The following ABAT variants were observed in gnomAD, a reference collection of about 807,000 sequenced individuals.
ABAT encodes the protein 4-aminobutyrate aminotransferase.
ABAT carries 45 observed loss-of-function variants against 64.6 expected under a neutral mutation model. That is an observed-to-expected ratio of 0.70 (90% CI 0.55 to 0.89). ABAT has a LOEUF of 0.89. Ranked by LOEUF, ABAT falls within the 40% of genes least tolerant of loss-of-function variation. ABAT has a pLI of 0.00. For synonymous variants in ABAT, 297 were observed against 250.5 expected (o/e 1.19, Z -1.75); for missense variants, 633 against 658.4 (o/e 0.96, Z 0.42).
At chr16:8,699,958 C>T (rs935297110) in intron 1 of ABAT, among the ~76,000 whole-genome samples, 3 of 151,716 alleles carry the variant, frequency 2.0e-5, no homozygotes, top group Non-Finnish European at 4.4e-5. Flanking sequence ...TGACTATAGG[C>T]GTGTGCCACC....
intron 1 of ABAT, among the ~76,000 whole-genome samples, chr16:8,676,959 T>C (rs923979111): frequency 2.0e-5 from 3 of 152,182 alleles, no homozygotes; most frequent in African/African-American, 7.2e-5. Context: ...AAGTAGAGGC[T>C]CTCTCTGTTT....
intron 2 of ABAT, among the ~76,000 whole-genome samples, chr16:8,738,008 G>GAA (rs374080280): frequency 8.3e-6 from 1 of 120,142 alleles, no homozygotes; most frequent in Non-Finnish European, 1.7e-5. Flanking sequence ...AAGAAAGAAA[G>GAA]AAAGAAAGGA....
At position 8,733,561 on chromosome 16, in the gene ABAT, A is replaced by C. The variant is rs1253136802; in HGVS notation, c.-41-2138A>C. On this transcript the variant is annotated intron_variant, in intron 1 of 15. Transcript: ENST00000268251. ...GGCACCATTGAGCACTGAGTGAACG[A>C]GACTCCGTCTGTAATCCCGGCACCT... Among the ~76,000 whole-genome samples the C allele has an allele frequency of 1.3e-5, 2 of 151,880 alleles. 1 individual carries two copies. Among genetic ancestry groups the C allele is most frequent in the African/African-American group, 4.9e-5 (2 of 41,136 alleles).
Position 8,735,819 on chromosome 16 carries a change from G to T in ABAT, c.70+10G>T. 4 of 1,595,230 alleles carry T rather than the reference G, an allele frequency of 2.5e-6. No individual in the cohort carries two copies. Among genetic ancestry groups the T allele is most frequent in the East Asian group, 2.2e-5 (1 of 44,548 alleles). ...CGCCTGCTGGTGCCTGGTAAGCCCC[G>T]GGGGTCTTGATAAGAACTGGTACTA... On this transcript the variant is annotated intron_variant, in intron 2 of 15. Coordinates refer to ENST00000268251, the MANE Select transcript of ABAT (RefSeq NM_020686.6).
intron 1 of ABAT, among the ~76,000 whole-genome samples, chr16:8,675,029 C>T (rs2057163691): frequency 6.6e-6 from 1 of 152,204 alleles, no homozygotes; most frequent in Admixed American, 6.5e-5. Flanking sequence ...CCCCTCACCT[C>T]TTGGGAGACT....
chr16:8,772,817 A>AGAC lies in ABAT; in HGVS notation c.856_858dup (p.Thr286dup). The AGAC allele has an allele frequency of 6.2e-7, 1 of 1,614,144 alleles. No individual in the cohort carries two copies. The highest frequency in any genetic ancestry group is 2.2e-5 in the East Asian group (1 of 44,872). ...ATTGTGAAATATCGGAAAAAGAAGA[A>AGAC]GACGGTGGCCGGGATCATCGTGGAG... is the stretch of plus-strand genomic sequence containing the variant. On this transcript the variant is annotated inframe_insertion, in exon 12 of 16. Coordinates refer to ENST00000268251, the MANE Select transcript of ABAT (RefSeq NM_020686.6).
chr16:8,726,949 A>G (rs2058575581), intron 1 of ABAT, among the ~76,000 whole-genome samples: 2 of 152,182 alleles, frequency 1.3e-5, no homozygotes, highest in Admixed American at 6.5e-5. Flanking sequence ...CAGTGATGTC[A>G]AGCACCTTTT....
rs1444807350 is a variant in ABAT, at chr16:8,782,116, C to A, written c.*686C>A. On this transcript the variant is annotated 3_prime_UTR_variant, in exon 16 of 16. Coordinates refer to ENST00000268251, the MANE Select transcript of ABAT (RefSeq NM_020686.6). The stretch of plus-strand genomic sequence containing the variant: ...GGACAGGGCTTTGCCCTTGGAGGAT[C>A]CCCAGGTGGCCTTACCCGTGATTCT... 1 of 153,288 alleles carries A rather than the reference C, an allele frequency of 6.5e-6. No homozygotes were observed. The highest frequency in any genetic ancestry group is 1.5e-5 in the Non-Finnish European group (1 of 68,848). 9.5% of individuals were successfully genotyped at this position (153,288 alleles called of 1,614,324 possible).
At chr16:8,767,177 C>T in intron 9 of ABAT, among the ~76,000 whole-genome samples, 1 of 152,284 alleles carries the variant, frequency 6.6e-6, no homozygotes, top group South Asian at 2.1e-4. Flanking sequence ...TTTGGATTCC[C>T]TTGCTGGGTG....
intron 11 of ABAT, 77 bp downstream of exon 11, chr16:8,769,050 G>A: frequency 1.3e-6 from 2 of 1,593,760 alleles, no homozygotes; most frequent in Non-Finnish European, 1.7e-6. Flanking sequence ...GGGGAGAAGA[G>A]AAACAGATGA....
rs534571727 is a variant in ABAT at position 8,776,121 on chromosome 16, G to A, written c.1123-223G>A. ...TCCCCATAGCAGTTCCTACATGCAG[G>A]GCTGCTGTTGGAAGAATTCAGCAAG... On this transcript the variant is annotated intron_variant, in intron 13 of 15. Transcript: ENST00000268251. This position sits in a 1 kb window ranked among gnomAD's most constrained non-coding sequence, Gnocchi z 4.4. Among the ~76,000 whole-genome samples, 1 of 152,304 alleles carries A rather than the reference G, an allele frequency of 6.6e-6. No homozygotes were observed. Among genetic ancestry groups the A allele is most frequent in the South Asian group, 2.1e-4 (1 of 4,832 alleles).
At chr16:8,742,604 C>T (rs2059194261) in intron 2 of ABAT, among the ~76,000 whole-genome samples, 1 of 151,992 alleles carries the variant, frequency 6.6e-6, no homozygotes, top group Non-Finnish European at 1.5e-5. Flanking sequence ...GTGGCTTATG[C>T]CTGTAATCCC....
intron 2 of ABAT, among the ~76,000 whole-genome samples, chr16:8,737,783 C>T (rs1413797108): frequency 6.7e-6 from 1 of 148,186 alleles, no homozygotes; most frequent in Non-Finnish European, 1.5e-5. Flanking sequence ...AAAAAATTAG[C>T]CGGGTGTGGT....
chr16:8,762,010 C>CT (rs1755397461), intron 6 of ABAT, among the ~76,000 whole-genome samples: 1 of 151,124 alleles, frequency 6.6e-6, no homozygotes, highest in Non-Finnish European at 1.5e-5. Flanking sequence ...TCTTCTCCTT[C>CT]TTCTTCTTTC....
chr16:8,686,046 C>T (rs529840921), intron 1 of ABAT, among the ~76,000 whole-genome samples: 10 of 152,296 alleles, frequency 6.6e-5, no homozygotes, highest in Middle Eastern at 3.4e-3. Context: ...GGTTTTAGAA[C>T]GTGGAAGCTC....
intron 15 of ABAT, among the ~76,000 whole-genome samples, chr16:8,780,197 G>A (rs2060392703): frequency 6.6e-6 from 1 of 152,084 alleles, no homozygotes; most frequent in South Asian, 2.1e-4. Flanking sequence ...CGGTTGGGAG[G>A]GGATGAAGCT....
chr16:8,733,758 C>G (rs1289321569), intron 1 of ABAT, among the ~76,000 whole-genome samples: 1 of 148,998 alleles, frequency 6.7e-6, no homozygotes, highest in African/African-American at 2.6e-5. Context: ...TGCAGTGAGC[C>G]GAGATGGCAG....
intron 1 of ABAT, among the ~76,000 whole-genome samples, chr16:8,731,082 A>ATCC (rs2142315438): frequency 6.6e-6 from 1 of 151,770 alleles, no homozygotes; most frequent in East Asian, 1.9e-4. Flanking sequence ...TGTGCCTCAG[A>ATCC]CTCCTGAGTA....
At chr16:8,704,851 A>C (rs752798528) in intron 1 of ABAT, among the ~76,000 whole-genome samples, 1 of 151,976 alleles carries the variant, frequency 6.6e-6, no homozygotes, top group Non-Finnish European at 1.5e-5. Context: ...TTAAAAAAAA[A>C]TTTTTAAATT....
Sources: gnomAD v4.1 joint callset for allele counts (sites outside exome capture counted in the v4.1 genomes callset) on GRCh38, gnomAD v4.1.1 for gene constraint, Gnocchi (gnomAD v3.1) non-coding constraint, MANE v1.5 for transcripts, NCBI Gene and HGNC (gene_info 2026-07-23, HGNC 2026-07-21) for gene names.